The following SPDYE18 variants were observed in gnomAD, a reference collection of about 807,000 sequenced individuals.
The protein encoded by SPDYE18 is speedy protein E18.
SPDYE18 carries 6 observed loss-of-function variants against 44.9 expected under a neutral mutation model. That is an observed-to-expected ratio of 0.13 (90% CI 0.07 to 0.26). The LOEUF (loss-of-function observed/expected upper bound fraction) is 0.26. Among genes scored for constraint, SPDYE18 ranks in the 10% least tolerant of loss-of-function variants. The pLI is 1.00. For synonymous variants in SPDYE18, 35 were observed against 177.1 expected (o/e 0.20, Z 6.37); for missense variants, 121 against 463.2 (o/e 0.26, Z 6.78).
chr7:77,061,530 AG>A (rs1240942972), intron 1 of SPDYE18, among the ~76,000 whole-genome samples: 1 of 113,336 alleles, frequency 8.8e-6, no homozygotes, highest in Non-Finnish European at 1.7e-5. Flanking sequence ...TGGGTGGCCA[AG>A]GGAGGAAGAT....
At chr7:77,054,848 A>G (rs1455970463) in intron 6 of SPDYE18, among the ~76,000 whole-genome samples, 12 of 151,312 alleles carry the variant, frequency 7.9e-5, no homozygotes, top group Non-Finnish European at 1.6e-4. Context: ...ACTTACTGCA[A>G]CCTCCACCTC....
chr7:77,062,418 T>G (rs1408230291), intron 1 of SPDYE18, among the ~76,000 whole-genome samples, 78 bp downstream of exon 1: 1 of 151,624 alleles, frequency 6.6e-6, no homozygotes, highest in African/African-American at 2.4e-5. Context: ...CCCATTAAAA[T>G]TTCTCTTTTG....
chr7:77,060,254 C>A, intron 2 of SPDYE18, 99 bp downstream of exon 2: 1 of 1,509,556 alleles, frequency 6.6e-7, no homozygotes, highest in Non-Finnish European at 8.8e-7. Context: ...GCCTCGGCCT[C>A]CCAAAGTGCT....
intron 8 of SPDYE18, among the ~76,000 whole-genome samples, chr7:77,052,443 G>T (rs1242499481): frequency 5.9e-5 from 9 of 152,036 alleles, no homozygotes; most frequent in Non-Finnish European, 1.2e-4. Flanking sequence ...CAGTATTTAT[G>T]ATTATTTTTG....
chr7:77,057,143 T>C (rs1415507123), intron 4 of SPDYE18, among the ~76,000 whole-genome samples: 14 of 152,408 alleles, frequency 9.2e-5, no homozygotes, highest in African/African-American at 3.1e-4. Flanking sequence ...CAGGCTGGAA[T>C]GCAGTGGCCT....
rs1221731661 is a variant in SPDYE18 at position 77,051,695 on chromosome 7, AC to A, written c.*229del. On this transcript the variant is annotated 3_prime_UTR_variant, in exon 9 of 9. Coordinates refer to ENST00000510091, the MANE Select transcript of SPDYE18 (RefSeq NM_001394953.1). ...CTCCAAGGACTCCTAGAAGGACCCC[AC>A]CCCCCTCCCCCCACCCCTGCTCCCA... is the stretch of plus-strand genomic sequence containing the variant. Among the ~76,000 whole-genome samples, 5 of 98,742 alleles carry A rather than the reference AC, an allele frequency of 5.1e-5. No homozygotes were observed. Among genetic ancestry groups the A allele is most frequent in the East Asian group, 3.4e-4 (1 of 2,902 alleles). 64.8% of individuals were successfully genotyped at this position (98,742 alleles called of 152,430 possible). A position where few individuals can be genotyped will look rare whatever the true frequency, so the allele number is the denominator to read the frequency against.
chr7:77,053,960 T>C (rs1276388380), intron 6 of SPDYE18, among the ~76,000 whole-genome samples: 1 of 149,040 alleles, frequency 6.7e-6, no homozygotes, highest in Admixed American at 7.0e-5. Context: ...CAGTGAGCTA[T>C]GATCTCACCA....
chr7:77,060,289 A>C (rs1583980398), intron 2 of SPDYE18, 64 bp downstream of exon 2: 1 of 1,532,122 alleles, frequency 6.5e-7, no homozygotes, highest in Non-Finnish European at 8.7e-7. Flanking sequence ...GAGCCACCGC[A>C]CCCGGCCCCC....
At position 77,062,491 on chromosome 7, in the gene SPDYE18, G is replaced by C. The variant is rs1270237029; in HGVS notation, c.-422+5C>G. The stretch of plus-strand genomic sequence containing the variant: ...TGGTTTGATGGAGGAATAGGGGCTG[G>C]TCACCTGCATTTCCCCTCCCTGCAC... On this transcript the variant is annotated splice_donor_5th_base_variant and intron_variant, in intron 1 of 8. Coordinates refer to ENST00000510091, the MANE Select transcript of SPDYE18 (RefSeq NM_001394953.1). Among the ~76,000 whole-genome samples, 1 of 152,108 alleles carries C rather than the reference G, an allele frequency of 6.6e-6. No homozygotes were observed. Among genetic ancestry groups the C allele is most frequent in the East Asian group, 1.9e-4 (1 of 5,182 alleles).
At position 77,051,127 on chromosome 7, in the gene SPDYE18, G is replaced by A. The variant is rs1319015548; in HGVS notation, c.*798C>T. Among the ~76,000 whole-genome samples the A allele has an allele frequency of 1.2e-4, 18 of 151,998 alleles. No individual in the cohort carries two copies. The highest frequency in any genetic ancestry group is 2.0e-4 in the Admixed American group (3 of 15,284). On this transcript the variant is annotated 3_prime_UTR_variant, in exon 9 of 9. Coordinates refer to ENST00000510091, the MANE Select transcript of SPDYE18 (RefSeq NM_001394953.1). ...CCAGAATTATGTTTTTTTCTGGTGG[G>A]GAACTACCAATAGCTATAAATAGAA...
chr7:77,060,402 C>T lies in SPDYE18; in HGVS notation c.111G>A (p.Ser37=), dbSNP rs559729331. The T allele has an allele frequency of 1.2e-5, 18 of 1,535,568 alleles. No homozygotes were observed. Among genetic ancestry groups the T allele is most frequent in the Middle Eastern group, 2.3e-4 (1 of 4,362 alleles). The change falls in exon 2 of 9, where the codon TCG becomes TCA. Residue 37 remains serine, a synonymous_variant. Transcript: ENST00000510091. ...QNEQSLQRST[S]GYPLQEVVDD... is the part of the protein sequence containing the mutation. ...CCACCACCTCCTGGAGGGGGTACCC[C>T]GAGGTGCTCCGCTGGAGACTCTGCT...
At chr7:77,056,082 C>CA (rs1297065254) in intron 5 of SPDYE18, among the ~76,000 whole-genome samples, 1 of 106,094 alleles carries the variant, frequency 9.4e-6, no homozygotes. Context: ...GACTCTGTCT[C>CA]ACAAAAAAAA....
rs1177955729 is a variant in SPDYE18, at chr7:77,060,909, G to A, written c.-397C>T. ...AGCATGTTGGGGTCTCTTCATCTCT[G>A]TACATGCCCATTTCAGAGTCCAGTC... On this transcript the variant is annotated 5_prime_UTR_variant, in exon 2 of 9. Coordinates refer to ENST00000510091, the MANE Select transcript of SPDYE18 (RefSeq NM_001394953.1). Among the ~76,000 whole-genome samples the A allele has an allele frequency of 6.6e-6, 1 of 151,508 alleles. No individual in the cohort carries two copies. The highest frequency in any genetic ancestry group is 2.4e-5 in the African/African-American group (1 of 41,206).
intron 6 of SPDYE18, among the ~76,000 whole-genome samples, chr7:77,054,539 G>A (rs1301738341): frequency 1.3e-5 from 2 of 151,014 alleles, no homozygotes; most frequent in Non-Finnish European, 3.0e-5. Context: ...TTCGAGTGAT[G>A]CGAGGGGGAC....
rs1399787635 is a variant in SPDYE18, at chr7:77,060,558, A to G, written c.-46T>C. The G allele has an allele frequency of 4.2e-5, 64 of 1,534,564 alleles. No individual in the cohort carries two copies. The highest frequency in any genetic ancestry group is 5.5e-5 in the Non-Finnish European group (63 of 1,146,632). On this transcript the variant is annotated 5_prime_UTR_variant, in exon 2 of 9. Transcript: ENST00000510091. ...TAGGATCCAGAAGAGTATGTTATCA[A>G]TTCTCAAGCCTAGGAGAAGTCAGGA...
Position 77,050,597 on chromosome 7 carries a change from T to C in SPDYE18, c.*1328A>G, listed in dbSNP as rs1400799804. On this transcript the variant is annotated 3_prime_UTR_variant, in exon 9 of 9. Transcript: ENST00000510091. The stretch of plus-strand genomic sequence containing the variant: ...ACATATATGAAATATCAAATAAAAA[T>C]TTATTTTTACAAGAATTTAGGGGAA... Among the ~76,000 whole-genome samples the C allele has an allele frequency of 1.3e-5, 2 of 152,146 alleles. No homozygotes were observed. The highest frequency in any genetic ancestry group is 2.4e-5 in the African/African-American group (1 of 41,478).
Position 77,059,044 on chromosome 7 carries a change from A to G in SPDYE18, c.379+136T>C, listed in dbSNP as rs537377033. Reference sequence around the variant, plus strand: ...ATCTCCTAAGTGTCCCTCATGAGTGATCACTTCTGAGTCCTCCTGCGTGGA... The same window carrying G: ...ATCTCCTAAGTGTCCCTCATGAGTGGTCACTTCTGAGTCCTCCTGCGTGGA... On this transcript the variant is annotated intron_variant, in intron 3 of 8. Transcript: ENST00000510091. The G allele has an allele frequency of 9.5e-5, 137 of 1,435,590 alleles. No homozygotes were observed. The Middle Eastern group carries it at 1.0e-3, about 11-fold the overall frequency. The allele number at this position is 1,435,590 out of a possible 1,614,324, so 88.9% of individuals were successfully genotyped here.
At chr7:77,055,529 T>A (rs1339473175) in intron 5 of SPDYE18, among the ~76,000 whole-genome samples, 2 of 133,328 alleles carry the variant, frequency 1.5e-5, no homozygotes, top group Non-Finnish European at 3.1e-5. Flanking sequence ...GGGTTTTGGG[T>A]GATGCTCCCA....
At chr7:77,056,960 T>C (rs1356135699) in intron 4 of SPDYE18, among the ~76,000 whole-genome samples, 2 of 152,120 alleles carry the variant, frequency 1.3e-5, no homozygotes, top group African/African-American at 2.4e-5. Context: ...ACCATGGCCT[T>C]GGGATCCCCC....
Sources: gnomAD v4.1 joint callset for allele counts (sites outside exome capture counted in the v4.1 genomes callset) on GRCh38, gnomAD v4.1.1 for gene constraint, MANE v1.5 for transcripts, NCBI Gene and HGNC (gene_info 2026-07-23, HGNC 2026-07-21) for gene names.